The following SPAG16 variants were observed in gnomAD, a reference collection of about 807,000 sequenced individuals.
SPAG16 encodes the protein sperm associated antigen 16.
In SPAG16, 86 loss-of-function variants were observed where a neutral mutation model predicts 80.4. The ratio of observed to expected loss-of-function variants is 1.07; its 90% CI spans 0.90 to 1.28. SPAG16 has a LOEUF of 1.28. SPAG16 is among the 50% of genes most tolerant of loss of function. SPAG16 has a pLI of 0.00. For synonymous variants in SPAG16, 294 were observed against 265.9 expected (o/e 1.11, Z -1.03); for missense variants, 870 against 765.3 (o/e 1.14, Z -1.61).
intron 15 of SPAG16, among the ~76,000 whole-genome samples, chr2:214,252,288 TTTTTA>T (rs1690347053): frequency 6.6e-6 from 1 of 151,936 alleles, no homozygotes; most frequent in Admixed American, 6.6e-5. Context: ...CTAACTTTGT[TTTTTA>T]TTTTAATTTT....
At chr2:214,390,318 A>G (rs1428668108) in intron 15 of SPAG16, among the ~76,000 whole-genome samples, 1 of 138,336 alleles carries the variant, frequency 7.2e-6, no homozygotes, top group Non-Finnish European at 1.5e-5. Flanking sequence ...TTGATGCTAA[A>G]TGAATGGGTA....
intron 10 of SPAG16, among the ~76,000 whole-genome samples, chr2:213,796,045 G>A (rs992087760): frequency 4.6e-5 from 7 of 151,978 alleles, no homozygotes; most frequent in Non-Finnish European, 8.8e-5. Context: ...TAAGAATTTT[G>A]GAGGATACGA....
At chr2:213,760,011 G>T (rs2068565968) in intron 10 of SPAG16, among the ~76,000 whole-genome samples, 1 of 151,820 alleles carries the variant, frequency 6.6e-6, no homozygotes, top group South Asian at 2.1e-4. Context: ...CTCCATCCTG[G>T]GTGACAAAGC....
At chr2:213,883,481 T>C (rs1163162359) in intron 11 of SPAG16, among the ~76,000 whole-genome samples, 1 of 152,150 alleles carries the variant, frequency 6.6e-6, no homozygotes, top group Non-Finnish European at 1.5e-5. Flanking sequence ...AGAATGTGTA[T>C]GTTGTGGTTG....
intron 9 of SPAG16, among the ~76,000 whole-genome samples, chr2:213,385,611 A>T (rs543959139): frequency 2.8e-4 from 42 of 152,258 alleles, no homozygotes; most frequent in African/African-American, 1.0e-3. Flanking sequence ...GGTGGGGAAT[A>T]TATTGTAAGA....
At chr2:214,113,375 A>G (rs1250937074) in intron 14 of SPAG16, among the ~76,000 whole-genome samples, 1 of 152,152 alleles carries the variant, frequency 6.6e-6, no homozygotes, top group Non-Finnish European at 1.5e-5. Context: ...ATGCCTTGCT[A>G]GGTTGGGGAA....
chr2:214,012,288 A>ATATATATT (rs1553694500), intron 12 of SPAG16, among the ~76,000 whole-genome samples: 9 of 46,798 alleles, frequency 1.9e-4, no homozygotes, highest in South Asian at 2.0e-3. Flanking sequence ...ATATATATAT[A>ATATATATT]TTTTTTTTTT....
At chr2:213,418,266 C>T (rs2069384509) in intron 9 of SPAG16, among the ~76,000 whole-genome samples, 2 of 151,374 alleles carry the variant, frequency 1.3e-5, no homozygotes, top group South Asian at 4.2e-4. Flanking sequence ...CACACACACA[C>T]ATATATATAT....
chr2:213,342,285 G>GTA (rs199963967), intron 6 of SPAG16, among the ~76,000 whole-genome samples: 46 of 144,754 alleles, frequency 3.2e-4, no homozygotes, highest in African/African-American at 7.9e-4. Flanking sequence ...ACATACATAT[G>GTA]TATATATATA....
intron 9 of SPAG16, among the ~76,000 whole-genome samples, chr2:213,479,746 C>T (rs1480641652): frequency 6.6e-6 from 1 of 152,168 alleles, no homozygotes; most frequent in Non-Finnish European, 1.5e-5. Context: ...TGAGCCTTAT[C>T]TGCATTGGCA....
chr2:213,981,858 T>G (rs1408438551), intron 12 of SPAG16, among the ~76,000 whole-genome samples: 1 of 151,970 alleles, frequency 6.6e-6, no homozygotes, highest in Non-Finnish European at 1.5e-5. Flanking sequence ...CAAAAGGTTT[T>G]AAAGTCCGAA....
intron 15 of SPAG16, among the ~76,000 whole-genome samples, chr2:214,196,817 A>G (rs1387481847): frequency 6.6e-6 from 1 of 152,056 alleles, no homozygotes; most frequent in Non-Finnish European, 1.5e-5. Context: ...GAAGGATAGT[A>G]TAATGCACTG....
intron 10 of SPAG16, among the ~76,000 whole-genome samples, chr2:213,661,817 T>A (rs1225622717): frequency 6.6e-6 from 1 of 152,212 alleles, no homozygotes; most frequent in Non-Finnish European, 1.5e-5. Context: ...TTACTTATGT[T>A]CAATTATCAG....
At chr2:213,375,166 A>G in intron 9 of SPAG16, 47 bp downstream of exon 9, 4 of 1,290,448 alleles carry the variant, frequency 3.1e-6, no homozygotes, top group Non-Finnish European at 4.4e-6. Flanking sequence ...TAACTCTCAG[A>G]TCTTTAGATC....
intron 13 of SPAG16, among the ~76,000 whole-genome samples, chr2:214,055,132 AT>A (rs1417154082): frequency 2.0e-5 from 3 of 152,172 alleles, no homozygotes; most frequent in Non-Finnish European, 2.9e-5. Flanking sequence ...ACCTCATTAC[AT>A]TTATTTTTTA....
chr2:213,407,830 G>GAGAGAGAGGGAGGAGAGAGGC (rs2068727304), intron 9 of SPAG16, among the ~76,000 whole-genome samples: 1 of 99,130 alleles, frequency 1.0e-5, no homozygotes, highest in Non-Finnish European at 2.4e-5. Flanking sequence ...GAGAGAGGCA[G>GAGAGAGAGGGAGGAGAGAGGC]AGAGAGAGAG....
chr2:214,012,146 A>G (rs1203042924), intron 12 of SPAG16, among the ~76,000 whole-genome samples: 1 of 150,460 alleles, frequency 6.6e-6, no homozygotes, highest in East Asian at 1.9e-4. Flanking sequence ...CCACTACACT[A>G]TATTATTGTA....
intron 15 of SPAG16, among the ~76,000 whole-genome samples, chr2:214,150,256 T>C (rs910475748): frequency 1.3e-5 from 2 of 152,104 alleles, no homozygotes; most frequent in African/African-American, 4.8e-5. Context: ...GGTTTCATAA[T>C]ATTGCCATCA....
At chr2:214,322,087 T>G (rs1320223980) in intron 15 of SPAG16, among the ~76,000 whole-genome samples, 1 of 152,230 alleles carries the variant, frequency 6.6e-6, no homozygotes, top group Non-Finnish European at 1.5e-5. Flanking sequence ...TTCCTCCACA[T>G]GTTTCTCTGT....
Sources: allele counts gnomAD v4.1 joint callset (sites outside exome capture counted in the v4.1 genomes callset), GRCh38; gene constraint gnomAD v4.1.1; transcripts MANE v1.5; gene names NCBI Gene and HGNC (gene_info 2026-07-23, HGNC 2026-07-21).